CTPS2: variants seen among roughly 807,000 people sequenced by gnomAD.
CTPS2 encodes CTP synthase II.
CTPS2 carries 19 observed loss-of-function variants against 46.8 expected under a neutral mutation model. The observed-to-expected ratio is 0.41, with a 90% CI of 0.28 to 0.60. The LOEUF (loss-of-function observed/expected upper bound fraction) is 0.60. Among genes scored for constraint, CTPS2 ranks in the 20% least tolerant of loss-of-function variants. The pLI, the probability that CTPS2 is intolerant of heterozygous loss-of-function variation, is 0.35. For missense variants in CTPS2, 286 were observed against 447.6 expected, an observed-to-expected ratio of 0.64 and a Z score of 3.26; for synonymous variants, 151 against 165.2, an observed-to-expected ratio of 0.91 and a Z score of 0.66.
intron 2 of CTPS2, among the ~76,000 whole-genome samples, chrX:16,700,990 T>C (rs1012973886): frequency 4.5e-5 from 5 of 111,811 alleles, no homozygotes; most frequent in African/African-American, 1.6e-4. Context: ...CACAGGACTT[T>C]CTGTTTTAAA....
At chrX:16,671,391 A>G (rs1921728686) in intron 10 of CTPS2, among the ~76,000 whole-genome samples, 1 of 110,775 alleles carries the variant, frequency 9.0e-6, no homozygotes, top group Non-Finnish European at 1.9e-5. Flanking sequence ...TTTCTTGAGC[A>G]AGATCCAAGA....
At chrX:16,603,634 A>G (rs954853810) in intron 17 of CTPS2, among the ~76,000 whole-genome samples, 1 of 110,188 alleles carries the variant, frequency 9.1e-6, no homozygotes, top group Non-Finnish European at 1.9e-5. Context: ...CCACAGAAAG[A>G]ATCATATACA....
chrX:16,609,516 T>C (rs752793337), intron 17 of CTPS2, 25 bp downstream of exon 17: 127 of 1,201,913 alleles, frequency 1.1e-4, no homozygotes, highest in Non-Finnish European at 1.4e-4. Context: ...TCTTGGTTTA[T>C]TGCTAAGAGC....
chrX:16,628,453 C>T (rs1478894530), intron 14 of CTPS2, among the ~76,000 whole-genome samples: 1 of 110,035 alleles, frequency 9.1e-6, no homozygotes, highest in African/African-American at 3.3e-5. Flanking sequence ...GCAACCTCCA[C>T]TTCCTGGGTT....
intron 16 of CTPS2, among the ~76,000 whole-genome samples, chrX:16,613,801 C>T (rs905483082): frequency 3.6e-5 from 4 of 111,261 alleles, no homozygotes; most frequent in Non-Finnish European, 5.7e-5. Context: ...ATGTTGCCCA[C>T]GCTGGTCTCG....
chrX:16,640,460 TC>T (rs1932024453), intron 13 of CTPS2, among the ~76,000 whole-genome samples: 1 of 111,796 alleles, frequency 8.9e-6, no homozygotes, highest in South Asian at 3.8e-4. Flanking sequence ...ACGAGGTTCT[TC>T]CCCATCCCTG....
intron 14 of CTPS2, among the ~76,000 whole-genome samples, chrX:16,637,038 T>C (rs1324430548): frequency 2.7e-5 from 3 of 112,735 alleles, no homozygotes; most frequent in Non-Finnish European, 3.7e-5. Flanking sequence ...GCTTTGCTGC[T>C]GTGTTTAAGA....
chrX:16,700,834 C>G (rs768449734), intron 2 of CTPS2, among the ~76,000 whole-genome samples: 1 of 111,463 alleles, frequency 9.0e-6, no homozygotes, highest in Non-Finnish European at 1.9e-5. Context: ...CAGACTGAGC[C>G]AAACCACACA....
At chrX:16,639,766 AAAAGGAAAAGAAAAG>A (rs1399061421) in intron 13 of CTPS2, among the ~76,000 whole-genome samples, 4 of 88,861 alleles carry the variant, frequency 4.5e-5, no homozygotes, top group East Asian at 3.2e-4. Flanking sequence ...AAAGGAAAAG[AAAAGGAAAAGAAAAG>A]AAAGAAAGAA....
intron 15 of CTPS2, among the ~76,000 whole-genome samples, chrX:16,618,334 C>T (rs1930640022): frequency 8.9e-6 from 1 of 112,362 alleles, no homozygotes; most frequent in African/African-American, 3.2e-5. Context: ...TTTTGCTTAT[C>T]TATTCGCCAG....
At chrX:16,606,100 C>T (rs1468367801) in intron 17 of CTPS2, among the ~76,000 whole-genome samples, 1 of 112,402 alleles carries the variant, frequency 8.9e-6, no homozygotes, top group African/African-American at 3.2e-5. Context: ...ACCTCAGGTA[C>T]GCTTAACTCA....
intron 11 of CTPS2, among the ~76,000 whole-genome samples, chrX:16,668,711 G>A (rs1009988766): frequency 2.4e-4 from 23 of 96,131 alleles, no homozygotes; most frequent in Non-Finnish European, 4.4e-4. Context: ...GAAAAGGAAG[G>A]GGAGGGAAGG....
intron 13 of CTPS2, among the ~76,000 whole-genome samples, chrX:16,664,605 T>TA (rs879060783): frequency 4.5e-5 from 5 of 111,425 alleles, no homozygotes; most frequent in Admixed American, 9.6e-5. Context: ...TACTTATATG[T>TA]AAAAAATGGG....
At chrX:16,691,873 A>G (rs1441987302) in intron 6 of CTPS2, among the ~76,000 whole-genome samples, 1 of 112,232 alleles carries the variant, frequency 8.9e-6, no homozygotes, top group Non-Finnish European at 1.9e-5. Context: ...CATTAACTAC[A>G]AGAAAAGAGC....
At chrX:16,613,613 TA>T (rs1930376327) in intron 16 of CTPS2, among the ~76,000 whole-genome samples, 1 of 109,630 alleles carries the variant, frequency 9.1e-6, no homozygotes, top group Non-Finnish European at 1.9e-5. Flanking sequence ...TTTTTTTTTT[TA>T]AGATAGGGTC....
chrX:16,597,609 G>C (rs1036136327), intron 17 of CTPS2, among the ~76,000 whole-genome samples: 21 of 111,997 alleles, frequency 1.9e-4, no homozygotes, highest in Non-Finnish European at 3.4e-4. Context: ...TTGCAGTATA[G>C]TTTGAAGTCA....
chrX:16,680,796 C>T (rs1397144216), intron 9 of CTPS2, among the ~76,000 whole-genome samples: 3 of 111,101 alleles, frequency 2.7e-5, no homozygotes, highest in Non-Finnish European at 5.7e-5. Context: ...TGGCTCACGC[C>T]TGTAATCCTA....
chrX:16,625,375 A>G (rs1304766610), intron 14 of CTPS2, among the ~76,000 whole-genome samples: 4 of 112,323 alleles, frequency 3.6e-5, no homozygotes, highest in African/African-American at 1.3e-4. Context: ...GACGTGCAAC[A>G]GAGGTATGGC....
At chrX:16,693,340 T>C (rs1296759643) in intron 5 of CTPS2, 31 bp downstream of exon 5, 6 of 1,087,782 alleles carry the variant, frequency 5.5e-6, no homozygotes, top group Non-Finnish European at 7.7e-6. Flanking sequence ...TTATCAAAGT[T>C]GCTGTCCACA....
Sources: gnomAD v4.1 joint callset for allele counts (sites outside exome capture counted in the v4.1 genomes callset) on GRCh38, gnomAD v4.1.1 for gene constraint, MANE v1.5 for transcripts, NCBI Gene and HGNC (gene_info 2026-07-23, HGNC 2026-07-21) for gene names.